Variants in GKAP1 observed in about 807,000 individuals in gnomAD.
GKAP1 encodes G kinase-anchoring protein 1.
In GKAP1, 31 loss-of-function variants were observed where a neutral mutation model predicts 56.7. The observed-to-expected ratio is 0.55, with a 90% CI of 0.41 to 0.74. The LOEUF (loss-of-function observed/expected upper bound fraction) is 0.74, where lower values mean the gene tolerates loss of function less well. GKAP1 is among the 30% of genes least tolerant of loss of function. GKAP1 has a pLI of 0.00. For missense variants in GKAP1, 364 were observed against 402.3 expected (o/e 0.90, Z 0.82); for synonymous variants, 151 against 138.6 (o/e 1.09, Z -0.63).
intron 8 of GKAP1, among the ~76,000 whole-genome samples, chr9:83,754,224 AG>A (rs1943438662): frequency 6.6e-6 from 1 of 152,228 alleles, no homozygotes. Flanking sequence ...GAATAATGGT[AG>A]GTTACAGGAC....
At chr9:83,759,255 T>C (rs920213686) in intron 8 of GKAP1, among the ~76,000 whole-genome samples, 5 of 152,218 alleles carry the variant, frequency 3.3e-5, no homozygotes, top group South Asian at 4.1e-4. Flanking sequence ...TAAATTTCTA[T>C]TTTTAATTTT....
In GKAP1 at chr9:83,806,449, A is replaced by G; in HGVS notation, c.69T>C (p.Ser23=). The change falls in exon 3 of 13, where the codon AGT becomes AGC. Residue 23 remains serine (S), a synonymous_variant. Transcript: ENST00000376371. Reference sequence around the variant, plus strand: ...CAGGTTCAGAATCAGAGCCACTGCCACTATCCACTTGTAACAGGGCAAAAC... The same window carrying G: ...CAGGTTCAGAATCAGAGCCACTGCCGCTATCCACTTGTAACAGGGCAAAAC... The part of the protein sequence containing the change: ...ASRFALLQVD[S]GSGSDSEPGK... 3 of 1,614,012 alleles carry G rather than the reference A, an allele frequency of 1.9e-6. No individual in the cohort carries two copies. The highest frequency in any genetic ancestry group is 2.5e-6 in the Non-Finnish European group (3 of 1,179,942).
chr9:83,781,740 T>G (rs574753702), intron 6 of GKAP1, among the ~76,000 whole-genome samples: 1 of 152,326 alleles, frequency 6.6e-6, no homozygotes, highest in East Asian at 1.9e-4. Flanking sequence ...ATACTGATGT[T>G]TTTCTCAAAT....
intron 3 of GKAP1, among the ~76,000 whole-genome samples, chr9:83,802,749 C>T (rs944473312): frequency 6.6e-6 from 1 of 151,802 alleles, no homozygotes; most frequent in Non-Finnish European, 1.5e-5. Context: ...ACTGCTTGAA[C>T]CCAGGAGTTT....
intron 10 of GKAP1, among the ~76,000 whole-genome samples, chr9:83,743,950 A>C (rs1225229212): frequency 6.6e-6 from 1 of 152,228 alleles, no homozygotes; most frequent in Non-Finnish European, 1.5e-5. Context: ...ACTAGGAGAG[A>C]CTAGAGAGGT....
At chr9:83,772,594 C>A (rs2131273125) in intron 7 of GKAP1, among the ~76,000 whole-genome samples, 1 of 152,064 alleles carries the variant, frequency 6.6e-6, no homozygotes, top group South Asian at 2.1e-4. Flanking sequence ...AATTAAAAAA[C>A]CAAAAAGACA....
At chr9:83,779,105 A>C (rs1160639105) in intron 7 of GKAP1, among the ~76,000 whole-genome samples, 1 of 152,038 alleles carries the variant, frequency 6.6e-6, no homozygotes, top group Non-Finnish European at 1.5e-5. Flanking sequence ...TATCCCCCAA[A>C]TAAATCAATG....
At chr9:83,787,246 T>A (rs748890969) in intron 5 of GKAP1, among the ~76,000 whole-genome samples, 13 of 152,240 alleles carry the variant, frequency 8.5e-5, no homozygotes, top group Non-Finnish European at 1.9e-4. Flanking sequence ...TGTGAATTTT[T>A]TTGTTAAGAT....
intron 6 of GKAP1, among the ~76,000 whole-genome samples, chr9:83,783,396 C>T (rs4877810): frequency 0.56 from 85,800 of 152,078 alleles, 24,804 homozygotes; most frequent in Admixed American, 0.7. Context: ...ACTTGAAATA[C>T]GGCTAATGCA....
chr9:83,782,935 G>A (rs1280815525), intron 6 of GKAP1, among the ~76,000 whole-genome samples: 1 of 151,962 alleles, frequency 6.6e-6, no homozygotes, highest in East Asian at 1.9e-4. Context: ...CCCGCAAAGT[G>A]CTAGGATTAC....
chr9:83,794,298 C>T (rs905393874), intron 4 of GKAP1, among the ~76,000 whole-genome samples: 2 of 152,138 alleles, frequency 1.3e-5, no homozygotes, highest in East Asian at 3.8e-4. Flanking sequence ...AGAACAACTA[C>T]TAAGTAATGC....
chr9:83,803,800 G>C (rs1444590254), intron 3 of GKAP1, among the ~76,000 whole-genome samples: 1 of 151,200 alleles, frequency 6.6e-6, no homozygotes, highest in Non-Finnish European at 1.5e-5. Context: ...TCCCATCTAG[G>C]AAGTGAGGAG....
Position 83,786,715 on chromosome 9 carries a change from T to C in GKAP1, c.439-1877A>G, listed in dbSNP as rs550536605. Among the ~76,000 whole-genome samples, 28 of 152,316 alleles carry C rather than the reference T, an allele frequency of 1.8e-4. No individual in the cohort carries two copies. The South Asian group carries it at 3.1e-3, about 17-fold the overall frequency. ...CAATGTCATCACATCAAACTACCCA[T>C]TGCACACAAAAGAAGTTCCTCCCTT... On this transcript the variant is annotated intron_variant, in intron 5 of 12. Coordinates refer to ENST00000376371, the MANE Select transcript of GKAP1 (RefSeq NM_025211.4).
Position 83,799,185 on chromosome 9 carries a change from C to T in GKAP1, c.360G>A (p.Gln120=). The T allele has an allele frequency of 6.2e-7, 1 of 1,612,668 alleles. No homozygotes were observed. The highest frequency in any genetic ancestry group is 8.5e-7 in the Non-Finnish European group (1 of 1,179,344). ...NWQEWRQRDE[Q]LTSEMFEADL... ...AGCAATTTTATTTACTTAGTTGTACCTGCTCATCTCTTTGTCTCCACTCTT... is the reference window on the plus strand; with the variant it reads ...AGCAATTTTATTTACTTAGTTGTACTTGCTCATCTCTTTGTCTCCACTCTT... The change falls in exon 4 of 13, where the codon CAG becomes CAA. Residue 120 remains glutamine (Q), a splice_region_variant and synonymous_variant. Transcript: ENST00000376371.
intron 8 of GKAP1, among the ~76,000 whole-genome samples, chr9:83,763,338 AAGTT>A (rs1412654490): frequency 1.3e-5 from 2 of 152,220 alleles, no homozygotes; most frequent in African/African-American, 4.8e-5. Context: ...TGGTACAAAA[AAGTT>A]AGAAAGAATG....
At chr9:83,789,289 A>T (rs1218673197) in intron 4 of GKAP1, among the ~76,000 whole-genome samples, 1 of 152,202 alleles carries the variant, frequency 6.6e-6, no homozygotes, top group Non-Finnish European at 1.5e-5. Context: ...AATCTCACCT[A>T]ACTTTTTAAA....
Position 83,784,764 on chromosome 9 carries a change from C to A in GKAP1, c.513G>T (p.Gln171His). ...MNKKDKRKNH[Q>H]GKDRPLTVSL... ...ATACTGTGAGAGGTCTGTCTTTTCCCTGATGATTCTTTCTTTTATCTTTTT... is the reference window on the plus strand; with the variant it reads ...ATACTGTGAGAGGTCTGTCTTTTCCATGATGATTCTTTCTTTTATCTTTTT... The change falls in exon 6 of 13, where the codon CAG (glutamine) becomes CAT (histidine). Residue 171 changes from glutamine (Q) to histidine (H), a missense_variant. Coordinates refer to ENST00000376371, the MANE Select transcript of GKAP1 (RefSeq NM_025211.4). 6.2e-7 allele frequency: 1 copy of A among 1,605,148 alleles called. No individual in the cohort carries two copies. The highest frequency in any genetic ancestry group is 8.5e-7 in the Non-Finnish European group (1 of 1,174,402).
intron 4 of GKAP1, among the ~76,000 whole-genome samples, chr9:83,792,661 C>T (rs553067827): frequency 1.3e-5 from 2 of 152,228 alleles, no homozygotes; most frequent in East Asian, 3.9e-4. Context: ...ATTCTCTAAA[C>T]ATATCTTTAT....
chr9:83,804,326 C>T (rs551403287), intron 3 of GKAP1, among the ~76,000 whole-genome samples: 1 of 145,704 alleles, frequency 6.9e-6, no homozygotes, highest in South Asian at 2.2e-4. Flanking sequence ...CCCGGCCAGC[C>T]GCCCCATCCG....
Sources: allele counts gnomAD v4.1 joint callset (sites outside exome capture counted in the v4.1 genomes callset), GRCh38; gene constraint gnomAD v4.1.1; transcripts MANE v1.5; gene names NCBI Gene and HGNC (gene_info 2026-07-23, HGNC 2026-07-21).